CTNNBL1: variants seen among roughly 807,000 people sequenced by gnomAD.
CTNNBL1 encodes beta-catenin-like protein 1.
In CTNNBL1, 31 loss-of-function variants were observed where a neutral mutation model predicts 72.7. The ratio of observed to expected loss-of-function variants is 0.43; its 90% CI spans 0.32 to 0.58. The LOEUF is 0.58. Among genes scored for constraint, CTNNBL1 ranks in the 20% least tolerant of loss-of-function variants. CTNNBL1 has a pLI of 0.08. For missense variants in CTNNBL1, 534 were observed against 725.1 expected (o/e 0.74, Z 3.03); for synonymous variants, 240 against 267.3 (o/e 0.90, Z 1.00).
At chr20:37,737,508 C>A (rs761829534) in intron 3 of CTNNBL1, 24 bp downstream of exon 3, 1 of 1,474,306 alleles carries the variant, frequency 6.8e-7, no homozygotes, top group South Asian at 1.2e-5. Flanking sequence ...CCACTGATAC[C>A]ATGTCTCCTC....
intron 5 of CTNNBL1, among the ~76,000 whole-genome samples, chr20:37,760,550 C>T (rs1009771396): frequency 3.9e-5 from 6 of 152,218 alleles, no homozygotes; most frequent in African/African-American, 1.4e-4. Context: ...GTGTGATCCC[C>T]GTCAGGGGAG....
intron 1 of CTNNBL1, among the ~76,000 whole-genome samples, chr20:37,714,937 A>G (rs1018709440): frequency 2.0e-5 from 3 of 152,194 alleles, no homozygotes; most frequent in Non-Finnish European, 4.4e-5. Context: ...ACTAGTGACA[A>G]CAAACCCAGA....
chr20:37,781,668 G>A (rs929133415), intron 10 of CTNNBL1, among the ~76,000 whole-genome samples: 1 of 152,258 alleles, frequency 6.6e-6, no homozygotes, highest in East Asian at 1.9e-4. Flanking sequence ...AATTGGGATG[G>A]AATTTTTTTT....
chr20:37,810,311 A>G (rs1254059738), intron 11 of CTNNBL1, among the ~76,000 whole-genome samples: 2 of 152,192 alleles, frequency 1.3e-5, no homozygotes, highest in South Asian at 2.1e-4. Context: ...CAGAGAGAAA[A>G]CACAAGAGAC....
intron 15 of CTNNBL1, among the ~76,000 whole-genome samples, chr20:37,867,501 G>C (rs546106563): frequency 3.3e-5 from 5 of 151,994 alleles, no homozygotes; most frequent in Non-Finnish European, 7.4e-5. Flanking sequence ...ATATTTATGC[G>C]TTCAGCACTG....
intron 7 of CTNNBL1, among the ~76,000 whole-genome samples, chr20:37,773,909 C>CTTTTTTTTT (rs1176688817): frequency 1.9e-4 from 20 of 104,642 alleles, no homozygotes; most frequent in African/African-American, 4.3e-4. Flanking sequence ...TTCTTTCTCT[C>CTTTTTTTTT]TTTTTTTTTT....
chr20:37,713,296 A>T (rs574492746), intron 1 of CTNNBL1, among the ~76,000 whole-genome samples: 1 of 152,206 alleles, frequency 6.6e-6, no homozygotes, highest in Non-Finnish European at 1.5e-5. Flanking sequence ...AGCCTGTCCC[A>T]TAATTAGAAG....
intron 10 of CTNNBL1, 118 bp from the exon 11 acceptor site, chr20:37,802,749 A>C (rs1040142814): frequency 2.6e-6 from 2 of 774,404 alleles, no homozygotes; most frequent in Non-Finnish European, 4.1e-6. Flanking sequence ...AATTGTTAAC[A>C]AGTATGTAAT....
At chr20:37,724,151 G>A (rs778758803) in intron 1 of CTNNBL1, among the ~76,000 whole-genome samples, 9 of 152,120 alleles carry the variant, frequency 5.9e-5, no homozygotes, top group Non-Finnish European at 1.2e-4. Flanking sequence ...TCCACAAGCG[G>A]GTTTGCGACG....
At chr20:37,699,642 C>T (rs921524963) in intron 1 of CTNNBL1, among the ~76,000 whole-genome samples, 19 of 152,182 alleles carry the variant, frequency 1.2e-4, no homozygotes, top group Non-Finnish European at 2.9e-5. Flanking sequence ...AGACTCAGTA[C>T]GACCACTGAA....
chr20:37,767,973 G>A lies in CTNNBL1; in HGVS notation c.679G>A (p.Glu227Lys). 1.2e-6 allele frequency: 2 copies of A among 1,614,034 alleles called. No homozygotes were observed. Among genetic ancestry groups the A allele is most frequent in the Non-Finnish European group, 1.7e-6 (2 of 1,179,940 alleles). The stretch of plus-strand genomic sequence containing the variant: ...TTCAGCTATTGTGGAAAACATGGCT[G>A]AGTTCCGGCCTGAGATGTGTACAGA... ...NTLAIVENMA[E>K]FRPEMCTEGA... Residue 227 changes from glutamate (E) to lysine (K), a missense_variant, in exon 7 of 16, where the codon GAG becomes AAG. Physicochemically the swap from Glu to Lys is moderately conservative, Grantham distance 56 (BLOSUM62 1). Coordinates refer to ENST00000361383, the MANE Select transcript of CTNNBL1 (RefSeq NM_030877.5).
chr20:37,840,104 C>T lies in CTNNBL1; in HGVS notation c.1216C>T (p.His406Tyr). The T allele has an allele frequency of 1.2e-6, 2 of 1,612,000 alleles. No homozygotes were observed. ...CTCTTTTCTCTTTCCCAACCCAGAG[C>T]ATGTCTGTTCGATCCTGGCTTCCCT... The part of the protein sequence containing the change: ...VGTTEKEHEE[H>Y]VCSILASLLR... Residue 406 changes from histidine (H) to tyrosine (Y), a missense_variant and splice_region_variant, in exon 12 of 16, where the codon CAT (histidine) becomes TAT (tyrosine). His to Tyr is a moderately conservative substitution (Grantham distance 83). Coordinates refer to ENST00000361383, the MANE Select transcript of CTNNBL1 (RefSeq NM_030877.5).
chr20:37,694,207 AG>A (rs1418197120), intron 1 of CTNNBL1, 55 bp downstream of exon 1: 5 of 1,501,618 alleles, frequency 3.3e-6, no homozygotes, highest in Non-Finnish European at 4.5e-6. Context: ...CAGGGGTCGC[AG>A]GAGCCAGAGC....
At chr20:37,846,864 G>A (rs1158967604) in intron 13 of CTNNBL1, among the ~76,000 whole-genome samples, 1 of 152,106 alleles carries the variant, frequency 6.6e-6, no homozygotes, top group Non-Finnish European at 1.5e-5. Flanking sequence ...ATTACCATTT[G>A]TAAGAGAGCC....
chr20:37,824,422 G>A (rs2072139763), intron 11 of CTNNBL1, among the ~76,000 whole-genome samples: 1 of 152,206 alleles, frequency 6.6e-6, no homozygotes, highest in Non-Finnish European at 1.5e-5. Flanking sequence ...CCAAAAATGA[G>A]TGTGATCGTG....
At chr20:37,699,464 C>G (rs1032787696) in intron 1 of CTNNBL1, among the ~76,000 whole-genome samples, 3 of 152,242 alleles carry the variant, frequency 2.0e-5, no homozygotes, top group African/African-American at 7.2e-5. Context: ...TGCCGAAAGC[C>G]AGACAACCAG....
chr20:37,799,405 T>A (rs2073804893), intron 10 of CTNNBL1, among the ~76,000 whole-genome samples: 1 of 152,172 alleles, frequency 6.6e-6, no homozygotes, highest in South Asian at 2.1e-4. Context: ...CTACCTCTAG[T>A]TCCCTGGCTG....
intron 1 of CTNNBL1, among the ~76,000 whole-genome samples, chr20:37,728,173 T>C (rs2073101081): frequency 6.6e-6 from 1 of 152,162 alleles, no homozygotes; most frequent in South Asian, 2.1e-4. Context: ...GTTGAGCACA[T>C]GAAATTGGGC....
intron 1 of CTNNBL1, among the ~76,000 whole-genome samples, chr20:37,699,002 T>C (rs2072817167): frequency 1.3e-5 from 2 of 152,160 alleles, no homozygotes; most frequent in African/African-American, 4.8e-5. Flanking sequence ...GCCAAGATCA[T>C]GCCACTGTGC....
Sources: allele counts gnomAD v4.1 joint callset (sites outside exome capture counted in the v4.1 genomes callset), GRCh38; gene constraint gnomAD v4.1.1; transcripts MANE v1.5; gene names NCBI Gene and HGNC (gene_info 2026-07-23, HGNC 2026-07-21).